Variants in PALM2AKAP2 observed in about 807,000 individuals in gnomAD.
PALM2AKAP2 encodes the protein PALM2 and AKAP2 fusion.
A neutral mutation model predicts 71.5 loss-of-function variants in PALM2AKAP2; 37 were observed. The ratio of observed to expected loss-of-function variants is 0.52; its 90% CI spans 0.40 to 0.68. The LOEUF (loss-of-function observed/expected upper bound fraction) is 0.68, where lower values mean the gene tolerates loss of function less well. PALM2AKAP2 is among the 30% of genes least tolerant of loss of function. PALM2AKAP2 has a pLI of 0.00. For synonymous variants in PALM2AKAP2, 468 were observed against 478.8 expected (o/e 0.98, Z 0.29); for missense variants, 1,224 against 1,191.8 (o/e 1.03, Z -0.40).
rs183928443 is a variant in PALM2AKAP2, at chr9:109,748,428, G to A, written c.6-32060G>A. 3.8e-3 allele frequency among the ~76,000 whole-genome samples: 573 copies of A among 152,270 alleles called. 3 individuals carry two copies. The highest frequency in any genetic ancestry group is 0.013 in the African/African-American group (554 of 41,548). On this transcript the variant is annotated intron_variant, in intron 1 of 6. Transcript: ENST00000374531. ...CGGCCTTAAACATGAGGCGATAGGA[G>A]CAGCTCTTGTACAGAAGAGGAGTGA...
chr9:110,074,971 C>G (rs1418505588), intron 1 of PALM2AKAP2, among the ~76,000 whole-genome samples: 2 of 151,770 alleles, frequency 1.3e-5, no homozygotes, highest in Admixed American at 6.6e-5. Flanking sequence ...CCACTGCACT[C>G]CAGCCTGAGC....
chr9:110,008,219 G>A (rs989013661), intron 6 of PALM2AKAP2, among the ~76,000 whole-genome samples: 6 of 152,132 alleles, frequency 3.9e-5, no homozygotes, highest in Admixed American at 1.3e-4. Flanking sequence ...ATGAGAATGA[G>A]AGACAGGAGG....
At chr9:109,933,440 A>G (rs1293016827) in intron 6 of PALM2AKAP2, among the ~76,000 whole-genome samples, 1 of 152,224 alleles carries the variant, frequency 6.6e-6, no homozygotes, top group African/African-American at 2.4e-5. Context: ...TGCACTTCAA[A>G]GGACACAGGA....
At chr9:109,851,211 A>AC (rs1554720639) in intron 1 of PALM2AKAP2, among the ~76,000 whole-genome samples, 75,241 of 123,230 alleles carry the variant, frequency 0.61, 20,203 homozygotes, top group Admixed American at 0.66. Context: ...AACAACAACA[A>AC]AAAAAAAAAA....
chr9:110,059,764 A>G (rs1226714687), intron 1 of PALM2AKAP2, among the ~76,000 whole-genome samples: 1 of 152,066 alleles, frequency 6.6e-6, no homozygotes, highest in Admixed American at 6.6e-5. Flanking sequence ...CCACCTTACC[A>G]TCTGATCTGC....
At chr9:109,957,677 G>A (rs1831773508) in intron 6 of PALM2AKAP2, among the ~76,000 whole-genome samples, 1 of 152,170 alleles carries the variant, frequency 6.6e-6, no homozygotes, top group Non-Finnish European at 1.5e-5. Context: ...GAAGCACCAG[G>A]CTGCAGCTCT....
chr9:110,135,759 G>A (rs557122996), intron 1 of PALM2AKAP2, among the ~76,000 whole-genome samples: 1 of 152,290 alleles, frequency 6.6e-6, no homozygotes, highest in African/African-American at 2.4e-5. Flanking sequence ...TTAAAGATCT[G>A]TTCATACAAA....
intron 1 of PALM2AKAP2, among the ~76,000 whole-genome samples, chr9:109,722,913 C>T (rs1322273): frequency 0.31 from 47,230 of 152,064 alleles, 7,915 homozygotes; most frequent in African/African-American, 0.44. Context: ...GCCGTCTGCT[C>T]TGCCCACCAA....
At chr9:109,710,665 G>A (rs561170022) in intron 1 of PALM2AKAP2, among the ~76,000 whole-genome samples, 2 of 152,278 alleles carry the variant, frequency 1.3e-5, no homozygotes, top group African/African-American at 4.8e-5. Flanking sequence ...TACAGTGCTT[G>A]GTTTCCCGTC....
At chr9:109,720,602 T>G (rs1416943070) in intron 1 of PALM2AKAP2, among the ~76,000 whole-genome samples, 1 of 152,194 alleles carries the variant, frequency 6.6e-6, no homozygotes, top group African/African-American at 2.4e-5. Context: ...CACTAATATT[T>G]AAGGAGCTGG....
At chr9:110,035,669 G>C (rs1193630941) in intron 7 of PALM2AKAP2, among the ~76,000 whole-genome samples, 1 of 112,084 alleles carries the variant, frequency 8.9e-6, no homozygotes, top group Non-Finnish European at 1.7e-5. Flanking sequence ...AGGATATGTT[G>C]TGTGTTATAT....
chr9:109,867,599 C>G, intron 2 of PALM2AKAP2, 28 bp downstream of exon 2: 4 of 1,604,264 alleles, frequency 2.5e-6, no homozygotes, highest in South Asian at 1.1e-5. Flanking sequence ...GGAACCTATT[C>G]CATTATTAGA....
intron 1 of PALM2AKAP2, chr9:109,847,756 T>C (rs892113451): frequency 1.5e-5 from 2 of 131,984 alleles, no homozygotes; most frequent in Non-Finnish European, 3.3e-5. Flanking sequence ...AAAAAAAAAA[T>C]CTATTGTTTT....
At chr9:109,749,119 G>A (rs1828847798) in intron 1 of PALM2AKAP2, among the ~76,000 whole-genome samples, 2 of 152,228 alleles carry the variant, frequency 1.3e-5, no homozygotes, top group South Asian at 4.1e-4. Flanking sequence ...GACAACTGGG[G>A]CATCAGCCTT....
intron 1 of PALM2AKAP2, among the ~76,000 whole-genome samples, chr9:110,110,014 C>G (rs758327429): frequency 6.6e-6 from 1 of 152,034 alleles, no homozygotes; most frequent in African/African-American, 2.4e-5. Context: ...AATTCAAGAG[C>G]TCTATTGTAC....
intron 2 of PALM2AKAP2, among the ~76,000 whole-genome samples, chr9:109,875,266 A>T (rs909153433): frequency 6.6e-6 from 1 of 152,210 alleles, no homozygotes; most frequent in East Asian, 1.9e-4. Flanking sequence ...TGTTCAAGTC[A>T]TCAGAGAGAC....
chr9:109,828,851 G>A (rs1484535551), intron 1 of PALM2AKAP2, among the ~76,000 whole-genome samples: 4 of 152,256 alleles, frequency 2.6e-5, no homozygotes, highest in Admixed American at 2.0e-4. Flanking sequence ...GGAGTAAAGT[G>A]AGTCTTCAGA....
intron 1 of PALM2AKAP2, among the ~76,000 whole-genome samples, chr9:109,715,995 G>A (rs766810049): frequency 2.0e-5 from 3 of 152,140 alleles, no homozygotes; most frequent in Non-Finnish European, 2.9e-5. Context: ...AGAACATTTA[G>A]CATCTGCAGC....
intron 2 of PALM2AKAP2, among the ~76,000 whole-genome samples, chr9:110,140,204 T>C (rs979288949): frequency 7.2e-5 from 11 of 152,256 alleles, no homozygotes; most frequent in Admixed American, 6.5e-4. Context: ...ATTCAATGGA[T>C]TATAATCCAT....
Sources: allele counts gnomAD v4.1 joint callset (sites outside exome capture counted in the v4.1 genomes callset), GRCh38; gene constraint gnomAD v4.1.1; transcripts MANE v1.5; gene names NCBI Gene and HGNC (gene_info 2026-07-23, HGNC 2026-07-21).